RARS2: variants seen among roughly 807,000 people sequenced by gnomAD.
RARS2 encodes the protein arginyl-tRNA synthetase 2, mitochondrial.
A neutral mutation model predicts 88.5 loss-of-function variants in RARS2; 67 were observed. That is an observed-to-expected ratio of 0.76 (90% confidence interval 0.62 to 0.93). The LOEUF is 0.93. Among genes scored for constraint, RARS2 ranks in the 40% least tolerant of loss-of-function variants. The probability of loss-of-function intolerance (pLI) is 0.00; values close to 1 mark genes in which losing one functional copy is unlikely to be tolerated. For synonymous variants in RARS2, 239 were observed against 230.3 expected, an observed-to-expected ratio of 1.04 and a Z score of -0.34; for missense variants, 664 against 684.2, an observed-to-expected ratio of 0.97 and a Z score of 0.33.
chr6:87,525,402 T>G lies in RARS2; in HGVS notation c.879-750A>C, dbSNP rs544097459. Among the ~76,000 whole-genome samples the G allele has an allele frequency of 2.4e-4, 37 of 152,310 alleles. No homozygotes were observed. The East Asian group carries it at 7.1e-3, about 29-fold the overall frequency. On this transcript the variant is annotated intron_variant, in intron 10 of 19. Transcript: ENST00000369536. ...TCTGCAGGCAACATAATCTTTTTTT[T>G]TCAATATGATCTTATAAATAGAAAA...
At position 87,531,858 on chromosome 6, in the gene RARS2, T is replaced by C. The variant is rs559680586; in HGVS notation, c.613-916A>G. Among the ~76,000 whole-genome samples, 12 of 152,332 alleles carry C rather than the reference T, an allele frequency of 7.9e-5. 2 individuals are homozygous for C. The highest frequency in any genetic ancestry group is 2.9e-4 in the African/African-American group (12 of 41,570). On this transcript the variant is annotated intron_variant, in intron 8 of 19. Coordinates refer to ENST00000369536, the MANE Select transcript of RARS2 (RefSeq NM_020320.5). Reference sequence around the variant, plus strand: ...ATACATATGGACAAATATTTACAAATTGTAACTCACCTGCAGGTTGAAACA... The same window carrying C: ...ATACATATGGACAAATATTTACAAACTGTAACTCACCTGCAGGTTGAAACA...
At chr6:87,571,635 AG>A (rs1468875458) in intron 1 of RARS2, among the ~76,000 whole-genome samples, 1 of 152,236 alleles carries the variant, frequency 6.6e-6, no homozygotes, top group African/African-American at 2.4e-5. Flanking sequence ...TAAGAATGTA[AG>A]AAGAGTTTAA....
intron 12 of RARS2, among the ~76,000 whole-genome samples, chr6:87,520,900 GA>G (rs1308398053): frequency 6.6e-6 from 1 of 152,152 alleles, no homozygotes; most frequent in East Asian, 1.9e-4. Context: ...TTTTGTGATG[GA>G]ACAGTTCTAT....
chr6:87,551,626 C>CAAAA (rs71018036), intron 5 of RARS2, among the ~76,000 whole-genome samples: 2,405 of 64,842 alleles, frequency 0.037, 282 homozygotes, highest in African/African-American at 0.08. Flanking sequence ...TCCGTCTCAA[C>CAAAA]AAAAAAAAAA....
At chr6:87,556,665 G>A (rs182922556) in intron 4 of RARS2, among the ~76,000 whole-genome samples, 36 of 151,508 alleles carry the variant, frequency 2.4e-4, no homozygotes, top group African/African-American at 6.5e-4. Context: ...GGTGGCATGC[G>A]CCTGTAGTCC....
intron 1 of RARS2, among the ~76,000 whole-genome samples, chr6:87,585,359 T>C (rs1050775882): frequency 6.6e-6 from 1 of 152,206 alleles, no homozygotes; most frequent in Non-Finnish European, 1.5e-5. Context: ...ATTACTCTTA[T>C]TATTGTCATC....
intron 4 of RARS2, among the ~76,000 whole-genome samples, 167 bp from the exon 5 acceptor site, chr6:87,555,672 TGC>T (rs1299792119): frequency 6.6e-6 from 1 of 152,238 alleles, no homozygotes; most frequent in African/African-American, 2.4e-5. Flanking sequence ...TTGTTACTAA[TGC>T]TAGTCATAGT....
intron 10 of RARS2, among the ~76,000 whole-genome samples, chr6:87,527,179 C>T (rs1009108984): frequency 1.1e-4 from 17 of 151,978 alleles, no homozygotes; most frequent in East Asian, 2.0e-4. Context: ...TATGGTGGCA[C>T]GCGCTTGTAA....
chr6:87,589,849 G>A, intron 1 of RARS2, 73 bp downstream of exon 1: 1 of 1,613,952 alleles, frequency 6.2e-7, no homozygotes, highest in Non-Finnish European at 8.5e-7. Flanking sequence ...ACTGAGGACT[G>A]GCCCGCAGCG....
intron 12 of RARS2, among the ~76,000 whole-genome samples, chr6:87,521,055 T>C (rs1189620574): frequency 6.6e-5 from 10 of 152,228 alleles, no homozygotes; most frequent in East Asian, 1.9e-4. Context: ...TTTCCTGCTA[T>C]TGATAAAAGT....
In RARS2 at chr6:87,525,767, G is replaced by A. The variant is rs918093294; in HGVS notation, c.879-1115C>T. Among the ~76,000 whole-genome samples the A allele has an allele frequency of 2.6e-5, 4 of 151,968 alleles. No homozygotes were observed. In the South Asian group the frequency reaches 6.2e-4, roughly 24 times the overall value. The stretch of plus-strand genomic sequence containing the variant: ...TCACTATGTTGGCCAGGCTGGTCTC[G>A]AACTCCTGACCTCATGTGATCCGCG... On this transcript the variant is annotated intron_variant, in intron 10 of 19. Transcript: ENST00000369536.
At position 87,582,017 on chromosome 6, in the gene RARS2, T is replaced by G. The variant is rs139089178; in HGVS notation, c.36+7905A>C. Among the ~76,000 whole-genome samples, 1,012 of 152,292 alleles carry G rather than the reference T, an allele frequency of 6.6e-3. 3 individuals carry two copies. The highest frequency in any genetic ancestry group is 0.01 in the Non-Finnish European group (695 of 68,026). On this transcript the variant is annotated intron_variant, in intron 1 of 19. Transcript: ENST00000369536. The stretch of plus-strand genomic sequence containing the variant: ...TATCCAGTCTATCATTGATGGGCAT[T>G]TGGGTTGATTCCATGTCTTTGCTAT...
At chr6:87,517,457 C>T (rs1436559890) in intron 17 of RARS2, among the ~76,000 whole-genome samples, 1 of 152,146 alleles carries the variant, frequency 6.6e-6, no homozygotes, top group Non-Finnish European at 1.5e-5. Flanking sequence ...AAGCCTCCAG[C>T]CATGTTTAAG....
At position 87,530,856 on chromosome 6, in the gene RARS2, G is replaced by A. The variant is rs1777286668; in HGVS notation, c.699C>T (p.Gly233=). 1.9e-6 allele frequency: 3 copies of A among 1,614,002 alleles called. No homozygotes were observed. Among genetic ancestry groups the A allele is most frequent in the African/African-American group, 1.3e-5 (1 of 74,900 alleles). The change falls in exon 9 of 20, where the codon GGC becomes GGT. Residue 233 remains glycine (G), a synonymous_variant. Transcript: ENST00000369536. ...GCCACAGTGAAAGTGCTTGCACATC[G>A]CCCAGTTCCAATCGTTGGAAGAACT... The part of the protein sequence containing the change: ...AQEFFQRLEL[G]DVQALSLWQK...
intron 4 of RARS2, among the ~76,000 whole-genome samples, chr6:87,558,151 T>C (rs975356930): frequency 1.4e-4 from 21 of 150,216 alleles, no homozygotes; most frequent in South Asian, 1.3e-3. Context: ...CACTCCAGCA[T>C]GGGCAACAAG....
chr6:87,566,317 G>A (rs935279754), intron 2 of RARS2, among the ~76,000 whole-genome samples: 5 of 151,944 alleles, frequency 3.3e-5, no homozygotes, highest in African/African-American at 4.8e-5. Context: ...CTTTTTAAAC[G>A]CTAAAAAAAT....
intron 8 of RARS2, among the ~76,000 whole-genome samples, chr6:87,531,599 T>C (rs1418190617): frequency 2.0e-5 from 3 of 152,166 alleles, no homozygotes; most frequent in Admixed American, 6.5e-5. Context: ...CTAAAAACTG[T>C]GTTGAGCACC....
At chr6:87,578,562 G>A (rs530528527) in intron 1 of RARS2, among the ~76,000 whole-genome samples, 20 of 152,284 alleles carry the variant, frequency 1.3e-4, no homozygotes, top group Non-Finnish European at 1.9e-4. Flanking sequence ...GCTCAGACAC[G>A]TACTGTTTAC....
intron 8 of RARS2, among the ~76,000 whole-genome samples, chr6:87,531,592 A>G (rs1158296508): frequency 6.6e-6 from 1 of 152,156 alleles, no homozygotes; most frequent in Non-Finnish European, 1.5e-5. Flanking sequence ...TAAGATCCTA[A>G]AAACTGTGTT....
Sources: allele counts gnomAD v4.1 joint callset (sites outside exome capture counted in the v4.1 genomes callset), GRCh38; gene constraint gnomAD v4.1.1; transcripts MANE v1.5; gene names NCBI Gene and HGNC (gene_info 2026-07-23, HGNC 2026-07-21).